CEP83: variants seen among roughly 807,000 people sequenced by gnomAD.
CEP83 encodes centrosomal protein 83, also known as centrosomal protein of 83 kDa.
A neutral mutation model predicts 101.9 loss-of-function variants in CEP83; 70 were observed. That is an observed-to-expected ratio of 0.69 (90% CI 0.57 to 0.84). The LOEUF is 0.84. CEP83 is among the 40% of genes least tolerant of loss of function. CEP83 has a pLI of 0.00. For synonymous variants in CEP83, 264 were observed against 267.9 expected (o/e 0.99, Z 0.14); for missense variants, 715 against 787.2 (o/e 0.91, Z 1.10).
At chr12:94,341,718 C>T (rs2059695981) in intron 11 of CEP83, among the ~76,000 whole-genome samples, 1 of 152,014 alleles carries the variant, frequency 6.6e-6, no homozygotes, top group South Asian at 2.1e-4. Flanking sequence ...AAATTATTCA[C>T]ATTTAAGAAA....
chr12:94,431,332 T>C (rs571201246), intron 2 of CEP83, among the ~76,000 whole-genome samples: 1 of 152,204 alleles, frequency 6.6e-6, no homozygotes, highest in African/African-American at 2.4e-5. Flanking sequence ...CCCAAGACTA[T>C]AAAATTACTA....
chr12:94,429,846 T>TG, intron 2 of CEP83, among the ~76,000 whole-genome samples: 2 of 152,228 alleles, frequency 1.3e-5, no homozygotes, highest in East Asian at 3.9e-4. Flanking sequence ...AAGCCAAGTA[T>TG]GGTCTGCCAC....
At chr12:94,365,766 T>C (rs2060991817) in intron 11 of CEP83, among the ~76,000 whole-genome samples, 2 of 146,070 alleles carry the variant, frequency 1.4e-5, no homozygotes. Context: ...CAAGACTGTG[T>C]TTGAAAAAAA....
rs142391924 is a variant in CEP83 at position 94,383,352 on chromosome 12, A to C, written c.550-4310T>G. ...TAAACTCATGAAAAGTGAAAAATGC[A>C]GTTTATGCCGGCAACACAGCATATG... On this transcript the variant is annotated intron_variant, in intron 6 of 16. Coordinates refer to ENST00000397809, the MANE Select transcript of CEP83 (RefSeq NM_016122.3). Among the ~76,000 whole-genome samples the C allele has an allele frequency of 6.3e-3, 960 of 152,198 alleles. 15 individuals are homozygous for C. The highest frequency in any genetic ancestry group is 0.022 in the African/African-American group (909 of 41,562).
In CEP83 at chr12:94,308,776, A is replaced by G. The variant is rs1593050861; in HGVS notation, c.*37T>C. 3 of 1,391,932 alleles carry G rather than the reference A, an allele frequency of 2.2e-6. No homozygotes were observed. Among genetic ancestry groups the G allele is most frequent in the Non-Finnish European group, 3.1e-6 (3 of 980,022 alleles). The allele number at this position is 1,391,932 out of a possible 1,614,324, so 86.2% of individuals were successfully genotyped here. A position where few individuals can be genotyped will look rare whatever the true frequency, so the allele number is the denominator to read the frequency against. ...AATGTCAAGTTTTACTGAGTCACCA[A>G]CTTCACCTCTTTTGATCTGCCTGTT... On this transcript the variant is annotated 3_prime_UTR_variant, in exon 17 of 17. Coordinates refer to ENST00000397809, the MANE Select transcript of CEP83 (RefSeq NM_016122.3).
At chr12:94,333,211 A>G (rs1193512329) in intron 13 of CEP83, among the ~76,000 whole-genome samples, 2 of 152,128 alleles carry the variant, frequency 1.3e-5, no homozygotes, top group Non-Finnish European at 2.9e-5. Context: ...GGTTTAATCA[A>G]TGAATAAAAA....
At chr12:94,434,894 C>T (rs752531005) in intron 2 of CEP83, among the ~76,000 whole-genome samples, 3 of 152,144 alleles carry the variant, frequency 2.0e-5, no homozygotes, top group Non-Finnish European at 4.4e-5. Context: ...ATTTTCCACA[C>T]GGTGTCATGT....
intron 15 of CEP83, 33 bp from the exon 16 acceptor site, chr12:94,310,140 G>C: frequency 8.7e-7 from 1 of 1,155,968 alleles, no homozygotes; most frequent in Non-Finnish European, 1.2e-6. Flanking sequence ...TCTTTAACAT[G>C]GTTATACCCT....
At chr12:94,294,267 T>G in the CEP83 span, among the ~76,000 whole-genome samples, 1 of 152,080 alleles carries the variant, frequency 6.6e-6, no homozygotes, top group East Asian at 1.9e-4. Context: ...CTCATCAGCC[T>G]CCTCCACAGG....
At chr12:94,352,460 A>T (rs1409079961) in intron 11 of CEP83, among the ~76,000 whole-genome samples, 1 of 151,408 alleles carries the variant, frequency 6.6e-6, no homozygotes, top group Non-Finnish European at 1.5e-5. Flanking sequence ...AAAACATGAC[A>T]CCTCAAATGG....
chr12:94,454,794 G>C (rs182889216), intron 1 of CEP83, among the ~76,000 whole-genome samples: 1 of 151,518 alleles, frequency 6.6e-6, no homozygotes, highest in Non-Finnish European at 1.5e-5. Flanking sequence ...GAACAATGCC[G>C]GACGCGCCAC....
At chr12:94,369,872 A>G (rs371329335) in intron 9 of CEP83, 50 bp downstream of exon 9, 214 of 920,436 alleles carry the variant, frequency 2.3e-4, no homozygotes, top group Admixed American at 3.6e-4. Context: ...ATTTGAGTTC[A>G]TATCTGAAAA....
At chr12:94,293,794 A>T in the CEP83 span, among the ~76,000 whole-genome samples, 43 of 152,050 alleles carry the variant, frequency 2.8e-4, no homozygotes, top group East Asian at 2.9e-3. Flanking sequence ...AATTAAAAAA[A>T]TTTTTTTTAT....
At chr12:94,283,910 G>A in the CEP83 span, among the ~76,000 whole-genome samples, 6 of 151,982 alleles carry the variant, frequency 3.9e-5, no homozygotes, top group Non-Finnish European at 8.8e-5. Context: ...ACGGTAAAAC[G>A]CTGTCTCTAA....
chr12:94,391,950 T>A (rs2062569559), intron 6 of CEP83, among the ~76,000 whole-genome samples: 1 of 152,062 alleles, frequency 6.6e-6, no homozygotes, highest in Non-Finnish European at 1.5e-5. Context: ...CTAACCTAAA[T>A]ACATATGCAC....
At chr12:94,393,195 T>A (rs1402540237) in intron 6 of CEP83, among the ~76,000 whole-genome samples, 4 of 152,096 alleles carry the variant, frequency 2.6e-5, no homozygotes, top group African/African-American at 9.7e-5. Flanking sequence ...TAGACCAATA[T>A]CCCTGATGAA....
chr12:94,283,606 G>GT, the CEP83 span, among the ~76,000 whole-genome samples: 1 of 152,220 alleles, frequency 6.6e-6, no homozygotes, highest in Non-Finnish European at 1.5e-5. Flanking sequence ...AGGGATGAGA[G>GT]TTTTTAAGGA....
chr12:94,358,880 C>A (rs1228304777), intron 11 of CEP83, among the ~76,000 whole-genome samples: 1 of 152,236 alleles, frequency 6.6e-6, no homozygotes, highest in Non-Finnish European at 1.5e-5. Flanking sequence ...TAAATAAAAT[C>A]TCTGCAGCAA....
intron 11 of CEP83, 91 bp from the exon 12 acceptor site, chr12:94,335,755 T>C (rs1395402107): frequency 1.1e-5 from 9 of 798,350 alleles, no homozygotes; most frequent in Non-Finnish European, 1.8e-5. Flanking sequence ...GAATGCCTGT[T>C]TGACACCAGA....
Sources: allele counts gnomAD v4.1 joint callset (sites outside exome capture counted in the v4.1 genomes callset), GRCh38; gene constraint gnomAD v4.1.1; transcripts MANE v1.5; gene names NCBI Gene and HGNC (gene_info 2026-07-23, HGNC 2026-07-21).